Variants in TMEM204 observed in about 807,000 individuals in gnomAD.
TMEM204 encodes the protein transmembrane protein 204.
A neutral mutation model predicts 19.4 loss-of-function variants in TMEM204; 15 were observed. That is an observed-to-expected ratio of 0.77 (90% CI 0.52 to 1.19). The LOEUF (loss-of-function observed/expected upper bound fraction) is 1.19. Ranked by LOEUF, TMEM204 falls within the 50% of genes most tolerant of loss-of-function variation. TMEM204 has a pLI of 0.00. For missense variants in TMEM204, 287 were observed against 321.2 expected (o/e 0.89, Z 0.81); for synonymous variants, 161 against 146.0 (o/e 1.10, Z -0.74).
At chr16:1,549,323 T>C (rs919095428) in intron 2 of TMEM204, among the ~76,000 whole-genome samples, 1 of 152,276 alleles carries the variant, frequency 6.6e-6, no homozygotes, top group African/African-American at 2.4e-5. Flanking sequence ...TCTGCTTCTG[T>C]GGCAACAAAA....
rs2030786731 is a variant in TMEM204, at chr16:1,533,988, C to T, written c.-288C>T. ...GCCTCCGCTTCCCGGGAAGACGGCG[C>T]ACTCCTGGCCCTGGGTTCTTGCTGC... On this transcript the variant is annotated 5_prime_UTR_variant, in exon 1 of 3. Coordinates refer to ENST00000566264, the MANE Select transcript of TMEM204 (RefSeq NM_024600.6). This position sits in a 1 kb window ranked among gnomAD's most constrained non-coding sequence, Gnocchi z 4.7. The T allele has an allele frequency of 4.3e-6, 2 of 469,698 alleles. No individual in the cohort carries two copies. Among genetic ancestry groups the T allele is most frequent in the East Asian group, 4.1e-5 (1 of 24,410 alleles). The allele number at this position is 469,698 out of a possible 1,614,324, so 29.1% of individuals were successfully genotyped here.
chr16:1,547,163 G>T (rs1007719061), intron 2 of TMEM204, among the ~76,000 whole-genome samples: 8 of 152,140 alleles, frequency 5.3e-5, no homozygotes, highest in African/African-American at 1.9e-4. Flanking sequence ...TTGTATAAAT[G>T]ACTTCCAATC....
chr16:1,539,453 A>G (rs2031411942), intron 1 of TMEM204, among the ~76,000 whole-genome samples: 1 of 152,136 alleles, frequency 6.6e-6, no homozygotes, highest in Non-Finnish European at 1.5e-5. Context: ...CCCTTCCTCC[A>G]AGCACTCTGG....
chr16:1,536,078 C>T (rs370207386), intron 1 of TMEM204, among the ~76,000 whole-genome samples: 3 of 152,360 alleles, frequency 2.0e-5, no homozygotes, highest in South Asian at 4.1e-4. Context: ...CACTGGCGTC[C>T]AGCCCACAGA....
In TMEM204 at chr16:1,534,341, C is replaced by T. The variant is rs757721730; in HGVS notation, c.66C>T (p.Asn22=). 33 of 1,612,748 alleles carry T rather than the reference C, an allele frequency of 2.0e-5. No individual in the cohort carries two copies. Among genetic ancestry groups the T allele is most frequent in the Middle Eastern group, 1.6e-4 (1 of 6,084 alleles). The change falls in exon 1 of 3, where the codon AAC becomes AAT. Residue 22 remains asparagine, a synonymous_variant. Coordinates refer to ENST00000566264, the MANE Select transcript of TMEM204 (RefSeq NM_024600.6). ...LVALVSLILN[N]VAAFTSNWVC... The stretch of plus-strand genomic sequence containing the variant: ...CCCTGGTCTCACTCATCCTCAACAA[C>T]GTGGCGGCCTTCACCTCCAACTGGG...
intron 2 of TMEM204, among the ~76,000 whole-genome samples, chr16:1,543,010 G>C (rs1353383937): frequency 6.6e-6 from 1 of 152,246 alleles, no homozygotes; most frequent in Non-Finnish European, 1.5e-5. Flanking sequence ...AGCGACCCCA[G>C]GGGGCTCTGC....
chr16:1,541,262 G>T, intron 1 of TMEM204: 4 of 985,456 alleles, frequency 4.1e-6, no homozygotes, highest in Non-Finnish European at 4.8e-6. Context: ...CAGATGGGGT[G>T]ACGGGGCCCC....
At chr16:1,535,622 T>C (rs1055127307) in intron 1 of TMEM204, among the ~76,000 whole-genome samples, 2 of 152,136 alleles carry the variant, frequency 1.3e-5, no homozygotes, top group African/African-American at 2.4e-5. Flanking sequence ...ATCCCCAACC[T>C]GCCGCGCTCA....
intron 2 of TMEM204, among the ~76,000 whole-genome samples, chr16:1,549,764 C>A (rs2032481510): frequency 6.6e-6 from 1 of 152,118 alleles, no homozygotes; most frequent in African/African-American, 2.4e-5. Context: ...ACACAGCTTT[C>A]TAGACTCATG....
At chr16:1,529,206 T>C (rs1013018959), upstream of TMEM204, among the ~76,000 whole-genome samples, 2 of 152,158 alleles carry the variant, frequency 1.3e-5, no homozygotes, top group Non-Finnish European at 2.9e-5. Flanking sequence ...GGCAGGTGCA[T>C]GTGTCTTAGC....
chr16:1,540,891 T>C (rs1227764842), intron 1 of TMEM204: 14 of 985,314 alleles, frequency 1.4e-5, no homozygotes, highest in Non-Finnish European at 1.7e-5. Flanking sequence ...TCACATGCAG[T>C]CCCTGACTCC....
chr16:1,539,291 C>G (rs991259739), intron 1 of TMEM204, among the ~76,000 whole-genome samples: 2 of 151,996 alleles, frequency 1.3e-5, no homozygotes, highest in African/African-American at 4.8e-5. Context: ...CCAAGCCGCA[C>G]AGTGCCAGTG....
chr16:1,532,534 C>T (rs1156486605), upstream of TMEM204: 2 of 152,274 alleles, frequency 1.3e-5, no homozygotes, highest in East Asian at 3.9e-4. Context: ...GCTCTCGGGA[C>T]CGCCCTGAGC....
chr16:1,549,080 C>T (rs975235057), intron 2 of TMEM204, among the ~76,000 whole-genome samples: 2 of 152,234 alleles, frequency 1.3e-5, no homozygotes, highest in African/African-American at 4.8e-5. Context: ...CCGTTTTCAC[C>T]GCATGCCTAG....
At chr16:1,550,286 G>A (rs1242302897) in intron 2 of TMEM204, among the ~76,000 whole-genome samples, 1 of 152,176 alleles carries the variant, frequency 6.6e-6, no homozygotes, top group Admixed American at 6.5e-5. Flanking sequence ...GCAGACAGAT[G>A]CTCTGAGGCC....
chr16:1,538,086 A>G (rs8051295), intron 1 of TMEM204, among the ~76,000 whole-genome samples: 67,145 of 152,136 alleles, frequency 0.44, 16,401 homozygotes, highest in African/African-American at 0.65. Context: ...ACACCCAAGC[A>G]GTGAACGCCA....
At chr16:1,538,402 T>C (rs1180884423) in intron 1 of TMEM204, among the ~76,000 whole-genome samples, 1 of 152,154 alleles carries the variant, frequency 6.6e-6, no homozygotes, top group African/African-American at 2.4e-5. Context: ...GGAACCTTGG[T>C]CACTCACCCT....
chr16:1,536,101 G>T (rs2031044163), intron 1 of TMEM204, among the ~76,000 whole-genome samples: 1 of 152,236 alleles, frequency 6.6e-6, no homozygotes, highest in Admixed American at 6.5e-5. Context: ...ACCCCCGGGG[G>T]AGGGAGTTCC....
rs1356172011 is a variant in TMEM204 at position 1,534,521 on chromosome 16, A to G, written c.246A>G (p.Ala82=). The G allele has an allele frequency of 6.2e-7, 1 of 1,606,768 alleles. No individual in the cohort carries two copies. The highest frequency in any genetic ancestry group is 2.2e-5 in the East Asian group (1 of 44,890). The part of the protein sequence containing the change: ...DCEALGWGSE[A]AGFQESRGTV... The stretch of plus-strand genomic sequence containing the variant: ...AGGCGCTGGGCTGGGGCTCCGAGGC[A>G]GCCGGCTTCCAGGAGTCCCGAGGCA... The change falls in exon 1 of 3, where the codon GCA becomes GCG. Residue 82 remains alanine, a synonymous_variant. Transcript: ENST00000566264.
Sources: allele counts gnomAD v4.1 joint callset (sites outside exome capture counted in the v4.1 genomes callset), GRCh38; gene constraint gnomAD v4.1.1; non-coding constraint Gnocchi (gnomAD v3.1); transcripts MANE v1.5; gene names NCBI Gene and HGNC (gene_info 2026-07-23, HGNC 2026-07-21).